ECM2: variants seen among roughly 807,000 people sequenced by gnomAD.
ECM2 encodes the protein extracellular matrix protein 2, female organ and adipocyte specific.
A neutral mutation model predicts 67.5 loss-of-function variants in ECM2; 57 were observed. The observed-to-expected ratio is 0.84, with a 90% CI of 0.68 to 1.05. ECM2 has a LOEUF of 1.05. ECM2 is among the 50% of genes least tolerant of loss of function. The pLI, the probability that ECM2 is intolerant of heterozygous loss-of-function variation, is 0.00. For synonymous variants in ECM2, 258 were observed against 294.5 expected, an observed-to-expected ratio of 0.88 and a Z score of 1.27; for missense variants, 741 against 822.8, an observed-to-expected ratio of 0.90 and a Z score of 1.22.
At chr9:92,511,971 A>G in intron 5 of ECM2, 40 bp downstream of exon 5, 2 of 1,457,028 alleles carry the variant, frequency 1.4e-6, no homozygotes, top group East Asian at 2.3e-5. Flanking sequence ...GTCATAGTGA[A>G]GCCATTCATC....
intron 2 of ECM2, among the ~76,000 whole-genome samples, chr9:92,518,131 A>G (rs1183064122): frequency 6.6e-6 from 1 of 152,196 alleles, no homozygotes; most frequent in Non-Finnish European, 1.5e-5. Context: ...CTGCGCTTCC[A>G]TTTTGTATCC....
the ECM2 span, among the ~76,000 whole-genome samples, chr9:92,549,063 A>G: frequency 6.6e-6 from 1 of 152,224 alleles, no homozygotes; most frequent in Non-Finnish European, 1.5e-5. Flanking sequence ...ACAGTGGCAC[A>G]GAAAGACAGC....
chr9:92,542,484 T>C, the ECM2 span, among the ~76,000 whole-genome samples: 1 of 149,190 alleles, frequency 6.7e-6, no homozygotes, highest in Non-Finnish European at 1.5e-5. Flanking sequence ...TCATGGAGCA[T>C]TTCCCCTATG....
intron 2 of ECM2, among the ~76,000 whole-genome samples, chr9:92,518,255 C>T (rs569726571): frequency 6.6e-6 from 1 of 152,348 alleles, no homozygotes; most frequent in African/African-American, 2.4e-5. Context: ...ATCATATTCA[C>T]TCAGGATTCA....
chr9:92,535,383 A>G (rs1295398061), intron 1 of ECM2, among the ~76,000 whole-genome samples: 2 of 152,138 alleles, frequency 1.3e-5, no homozygotes, highest in African/African-American at 4.8e-5. Context: ...ATTTTCTGGG[A>G]TTCCAATCAT....
chr9:92,496,094 G>A lies in ECM2; in HGVS notation c.*221C>T. ...TCTAGTGAGATGGCCTCTTTCTAGA[G>A]GTAGGAAACTGAGAGATTTTACCTT... is the stretch of plus-strand genomic sequence containing the variant. On this transcript the variant is annotated 3_prime_UTR_variant, in exon 10 of 10. Coordinates refer to ENST00000344604, the MANE Select transcript of ECM2 (RefSeq NM_001393.4). The A allele has an allele frequency of 8.5e-7, 1 of 1,170,142 alleles. No individual in the cohort carries two copies. The highest frequency in any genetic ancestry group is 4.8e-5 in the Admixed American group (1 of 20,660). The allele number at this position is 1,170,142 out of a possible 1,614,324, so 72.5% of individuals were successfully genotyped here.
chr9:92,549,464 T>G, the ECM2 span, among the ~76,000 whole-genome samples: 1 of 152,104 alleles, frequency 6.6e-6, no homozygotes, highest in East Asian at 1.9e-4. Context: ...CTGGCCAATG[T>G]GGTGAAACAC....
the ECM2 span, among the ~76,000 whole-genome samples, chr9:92,549,307 G>C: frequency 6.6e-6 from 1 of 152,196 alleles, no homozygotes; most frequent in Non-Finnish European, 1.5e-5. Context: ...GTCCAGCTGA[G>C]CTACTTGATG....
At chr9:92,505,485 A>G in intron 7 of ECM2, 48 bp downstream of exon 7, 4 of 1,456,078 alleles carry the variant, frequency 2.7e-6, no homozygotes, top group Non-Finnish European at 3.8e-6. Flanking sequence ...GTAGTGTACC[A>G]TATTTCAAAT....
At chr9:92,550,199 C>A in the ECM2 span, among the ~76,000 whole-genome samples, 1 of 152,094 alleles carries the variant, frequency 6.6e-6, no homozygotes, top group Non-Finnish European at 1.5e-5. Context: ...AGATCGAGAC[C>A]ATCCTGGCCA....
intron 1 of ECM2, among the ~76,000 whole-genome samples, chr9:92,534,842 A>C (rs1208615939): frequency 6.6e-6 from 1 of 152,148 alleles, no homozygotes; most frequent in East Asian, 1.9e-4. Context: ...TATACATTGA[A>C]ATTTTCTTGC....
At chr9:92,544,876 C>T in the ECM2 span, among the ~76,000 whole-genome samples, 2 of 151,966 alleles carry the variant, frequency 1.3e-5, no homozygotes, top group Admixed American at 1.3e-4. Flanking sequence ...CCACCACACC[C>T]AGCTAAATTT....
intron 1 of ECM2, among the ~76,000 whole-genome samples, chr9:92,524,760 G>A (rs1848291013): frequency 6.6e-6 from 1 of 152,136 alleles, no homozygotes; most frequent in African/African-American, 2.4e-5. Context: ...CTTTTTAATG[G>A]GAATTTAAGG....
rs1472681473 is a variant in ECM2, at chr9:92,515,151, A to G, written c.534T>C (p.Ser178=). ...GTTCTCTTTGTTCTGAAGAATCACC[A>G]GAAAATTCATTTCTATCATTTAATG... is the stretch of plus-strand genomic sequence containing the variant. ...GIALNDRNEF[S]GDSSEQREPT... is the part of the protein sequence containing the mutation. The change falls in exon 4 of 10, where the codon TCT becomes TCC. Residue 178 remains serine (S), a synonymous_variant. Coordinates refer to ENST00000344604, the MANE Select transcript of ECM2 (RefSeq NM_001393.4). The G allele has an allele frequency of 6.2e-7, 1 of 1,609,902 alleles. No homozygotes were observed. Among genetic ancestry groups the G allele is most frequent in the Non-Finnish European group, 8.5e-7 (1 of 1,178,910 alleles).
chr9:92,516,072 TC>T (rs76297691), intron 3 of ECM2, among the ~76,000 whole-genome samples: 4,537 of 139,774 alleles, frequency 0.032, 152 homozygotes, highest in South Asian at 0.095. Flanking sequence ...TACTTTTTTT[TC>T]CCCCCCCCGA....
intron 6 of ECM2, among the ~76,000 whole-genome samples, chr9:92,508,366 C>T (rs1847134801): frequency 6.6e-6 from 1 of 152,202 alleles, no homozygotes; most frequent in Non-Finnish European, 1.5e-5. Context: ...GCCCGTTCAC[C>T]CTGGCTTCCT....
intron 6 of ECM2, among the ~76,000 whole-genome samples, chr9:92,509,055 T>C (rs534896213): frequency 6.6e-6 from 1 of 151,140 alleles, no homozygotes; most frequent in South Asian, 2.1e-4. Context: ...CTATACAGAG[T>C]CACAATATGA....
At chr9:92,512,211 A>G (rs1389018649) in intron 4 of ECM2, 85 bp from the exon 5 acceptor site, 14 of 784,104 alleles carry the variant, frequency 1.8e-5, no homozygotes, top group Non-Finnish European at 2.9e-5. Context: ...CATAGATATC[A>G]AGAGAGAGCT....
chr9:92,522,670 C>G lies in ECM2; in HGVS notation c.197G>C (p.Arg66Thr), dbSNP rs1232250036. 2 of 1,614,130 alleles carry G rather than the reference C, an allele frequency of 1.2e-6. No individual in the cohort carries two copies. Among genetic ancestry groups the G allele is most frequent in the Non-Finnish European group, 1.7e-6 (2 of 1,180,008 alleles). ...ATAATCAAAGTTAACAATAGGAAGT[C>G]TTGCTACTGGTGTAAAAACTGTTGT... Reference protein sequence around the residue: ...QQTTVFTPVARLPIVNFDYSM... With the variant: ...QQTTVFTPVATLPIVNFDYSM... The change falls in exon 2 of 10, where the codon AGA (arginine) becomes ACA (threonine). Residue 66 changes from arginine to threonine, a missense_variant. By Grantham distance (71) the Arg-to-Thr change is moderately conservative (BLOSUM62 -1). Coordinates refer to ENST00000344604, the MANE Select transcript of ECM2 (RefSeq NM_001393.4).
Sources: allele counts gnomAD v4.1 joint callset (sites outside exome capture counted in the v4.1 genomes callset), GRCh38; gene constraint gnomAD v4.1.1; transcripts MANE v1.5; gene names NCBI Gene and HGNC (gene_info 2026-07-23, HGNC 2026-07-21).